The following ITSN1 variants were observed in gnomAD, a reference collection of about 807,000 sequenced individuals.
ITSN1 encodes the protein intersectin-1.
A neutral mutation model predicts 239.8 loss-of-function variants in ITSN1; 58 were observed. The observed-to-expected ratio is 0.24, with a 90% confidence interval of 0.20 to 0.30. ITSN1 has a LOEUF of 0.30. ITSN1 is among the 10% of genes least tolerant of loss of function. The probability of loss-of-function intolerance (pLI) is 1.00; values close to 1 mark genes in which losing one functional copy is unlikely to be tolerated. For synonymous variants in ITSN1, 780 were observed against 770.8 expected (o/e 1.01, Z -0.20); for missense variants, 1,558 against 2,103.3 (o/e 0.74, Z 5.07).
chr21:33,717,810 G>T (rs955664822), intron 1 of ITSN1, among the ~76,000 whole-genome samples: 1 of 152,180 alleles, frequency 6.6e-6, no homozygotes, highest in Non-Finnish European at 1.5e-5. Context: ...CTTGTGATCC[G>T]CCCGCCTTGG....
Position 33,775,015 on chromosome 21 carries a change from T to C in ITSN1, c.1503T>C (p.Cys501=), listed in dbSNP as rs1233243886. Residue 501 remains cysteine, a synonymous_variant, in exon 14 of 40, where the codon TGT becomes TGC. Coordinates refer to ENST00000381318, the MANE Select transcript of ITSN1 (RefSeq NM_003024.3). ...QLEGKLQDIR[C]RLTTQRQEIE... ...AAGGGAAACTTCAAGATATCAGATG[T>C]CGATTGACCACCCAAAGGCAAGAAA... The C allele has an allele frequency of 3.7e-6, 6 of 1,613,882 alleles. No homozygotes were observed.
intron 5 of ITSN1, among the ~76,000 whole-genome samples, chr21:33,741,661 G>C (rs1348554670): frequency 6.6e-6 from 1 of 152,056 alleles, no homozygotes; most frequent in Non-Finnish European, 1.5e-5. Context: ...GGGGGGCCCA[G>C]GTGGGCGGAT....
At chr21:33,833,990 G>A (rs115050580) in intron 27 of ITSN1, among the ~76,000 whole-genome samples, 137 of 151,838 alleles carry the variant, frequency 9.0e-4, no homozygotes, top group African/African-American at 3.2e-3. Context: ...TACATTACCT[G>A]AAATTAACAG....
intron 12 of ITSN1, among the ~76,000 whole-genome samples, chr21:33,772,692 C>A (rs139197612): frequency 3.3e-5 from 5 of 152,254 alleles, no homozygotes; most frequent in Non-Finnish European, 7.4e-5. Context: ...ATGAATCAGT[C>A]CTTTATTCCT....
intron 29 of ITSN1, among the ~76,000 whole-genome samples, chr21:33,838,754 C>A (rs920898049): frequency 6.6e-6 from 1 of 152,182 alleles, no homozygotes; most frequent in Non-Finnish European, 1.5e-5. Context: ...ACTCTACCAC[C>A]CAGTTTAGCA....
intron 24 of ITSN1, 97 bp downstream of exon 24, chr21:33,819,420 T>A: frequency 1.2e-6 from 1 of 826,722 alleles, no homozygotes; most frequent in East Asian, 2.5e-5. Context: ...TAGACTGCAT[T>A]TATGATCAGT....
intron 1 of ITSN1, among the ~76,000 whole-genome samples, chr21:33,668,623 G>T (rs1051535840): frequency 6.6e-6 from 1 of 152,226 alleles, no homozygotes; most frequent in Non-Finnish European, 1.5e-5. Flanking sequence ...GGCTCCATTG[G>T]TGTTAAAGAT....
At chr21:33,751,698 A>G in intron 6 of ITSN1, 112 bp from the exon 7 acceptor site, 1 of 779,842 alleles carries the variant, frequency 1.3e-6, no homozygotes, top group Non-Finnish European at 2.1e-6. Flanking sequence ...GCTGGCAAGA[A>G]GGGGGAATTA....
chr21:33,672,714 A>T (rs2090364251), intron 1 of ITSN1, among the ~76,000 whole-genome samples: 5 of 142,696 alleles, frequency 3.5e-5, no homozygotes, highest in South Asian at 2.2e-4. Flanking sequence ...TATGGAAACG[A>T]TTTTTTTTTT....
intron 1 of ITSN1, among the ~76,000 whole-genome samples, chr21:33,702,361 C>T (rs531843921): frequency 4.6e-5 from 7 of 152,100 alleles, no homozygotes; most frequent in Non-Finnish European, 1.0e-4. Flanking sequence ...AGGCGATCTG[C>T]CCACCTCGGA....
At position 33,739,170 on chromosome 21, in the gene ITSN1, C is replaced by G. The variant is rs112214872; in HGVS notation, c.346+3966C>G. 5.0e-3 allele frequency among the ~76,000 whole-genome samples: 763 copies of G among 152,234 alleles called. 12 individuals carry two copies. Among genetic ancestry groups the G allele is most frequent in the African/African-American group, 0.017 (716 of 41,548 alleles). ...CTGGAGTCTGAACAATGATTTTGTT[C>G]AACTCCCCTACAGAGAAGAGAGAAA... is the stretch of plus-strand genomic sequence containing the variant. On this transcript the variant is annotated intron_variant, in intron 5 of 39. Coordinates refer to ENST00000381318, the MANE Select transcript of ITSN1 (RefSeq NM_003024.3).
At chr21:33,847,016 G>T (rs563639598) in intron 29 of ITSN1, among the ~76,000 whole-genome samples, 1 of 152,202 alleles carries the variant, frequency 6.6e-6, no homozygotes, top group Non-Finnish European at 1.5e-5. Flanking sequence ...GGGCCCCTGC[G>T]GATCTATGCA....
At chr21:33,859,908 C>A (rs962607834) in intron 31 of ITSN1, among the ~76,000 whole-genome samples, 1 of 152,190 alleles carries the variant, frequency 6.6e-6, no homozygotes, top group Non-Finnish European at 1.5e-5. Flanking sequence ...GGAAGCCTTT[C>A]GAACTTAGGT....
intron 1 of ITSN1, among the ~76,000 whole-genome samples, chr21:33,680,276 A>G (rs141434199): frequency 4.2e-4 from 63 of 149,306 alleles, no homozygotes; most frequent in African/African-American, 1.5e-3. Flanking sequence ...CTAACTCAGG[A>G]CAGTGCTGAG....
chr21:33,749,249 C>T (rs1459662017), intron 5 of ITSN1, among the ~76,000 whole-genome samples: 1 of 151,984 alleles, frequency 6.6e-6, no homozygotes, highest in African/African-American at 2.4e-5. Context: ...CTTGGCCTTC[C>T]AAAGTAGTGA....
At chr21:33,650,020 CTCTG>C (rs1165856480) in intron 1 of ITSN1, among the ~76,000 whole-genome samples, 4 of 146,656 alleles carry the variant, frequency 2.7e-5, no homozygotes, top group African/African-American at 1.0e-4. Flanking sequence ...CAGAGCGAGA[CTCTG>C]TCTCAGAAAA....
rs766611478 is a variant in ITSN1 at position 33,735,224 on chromosome 21, G to A, written c.346+20G>A. The stretch of plus-strand genomic sequence containing the variant: ...CATTTGGTAAGTCTGAAAATGAATT[G>A]GTTTCTGTATTTTCTTGTATATTTT... On this transcript the variant is annotated intron_variant, in intron 5 of 39. Transcript: ENST00000381318. The A allele has an allele frequency of 6.2e-7, 1 of 1,605,304 alleles. No individual in the cohort carries two copies.
intron 29 of ITSN1, among the ~76,000 whole-genome samples, chr21:33,854,154 G>C (rs1178479248): frequency 6.6e-6 from 1 of 152,196 alleles, no homozygotes; most frequent in Admixed American, 6.5e-5. Flanking sequence ...ACATGTATTC[G>C]CTGCAGCAAG....
intron 4 of ITSN1, among the ~76,000 whole-genome samples, chr21:33,732,568 T>C (rs2066254775): frequency 6.6e-6 from 1 of 152,146 alleles, no homozygotes; most frequent in Admixed American, 6.5e-5. Context: ...CAAGAACGCA[T>C]TCAGTAATGT....
Sources: allele counts gnomAD v4.1 joint callset (sites outside exome capture counted in the v4.1 genomes callset), GRCh38; gene constraint gnomAD v4.1.1; transcripts MANE v1.5; gene names NCBI Gene and HGNC (gene_info 2026-07-23, HGNC 2026-07-21).